The following PCGF3 variants were observed in gnomAD, a reference collection of about 807,000 sequenced individuals.
PCGF3 encodes the protein polycomb group RING finger protein 3.
Under a neutral mutation model 33.1 loss-of-function variants are expected in PCGF3, and 7 were observed. The ratio of observed to expected loss-of-function variants is 0.21; its 90% CI spans 0.12 to 0.40. The LOEUF is 0.40. Ranked by LOEUF, PCGF3 falls within the 10% of genes least tolerant of loss-of-function variation. PCGF3 has a pLI of 1.00. For synonymous variants in PCGF3, 153 were observed against 121.3 expected, an observed-to-expected ratio of 1.26 and a Z score of -1.72; for missense variants, 211 against 313.3, an observed-to-expected ratio of 0.67 and a Z score of 2.46.
chr4:733,990 G>C, intron 4 of PCGF3: 4 of 1,551,242 alleles, frequency 2.6e-6, no homozygotes, highest in Non-Finnish European at 3.5e-6. Context: ...TGTCAGAGCA[G>C]ATGAGGCCTC....
intron 1 of PCGF3, among the ~76,000 whole-genome samples, chr4:730,100 A>C (rs1374670824): frequency 7.2e-6 from 1 of 139,570 alleles, no homozygotes; most frequent in East Asian, 2.1e-4. Context: ...CACTGAGCCC[A>C]ACACCAGGCT....
Position 720,674 on chromosome 4 carries a change from C to T in PCGF3, c.-189-9956C>T, listed in dbSNP as rs1311018739. 6.6e-6 allele frequency among the ~76,000 whole-genome samples: 1 copy of T among 150,870 alleles called. No individual in the cohort carries two copies. The highest frequency in any genetic ancestry group is 1.5e-5 in the Non-Finnish European group (1 of 67,756). Reference sequence around the variant, plus strand: ...GACGGGCGGTGACGTGCGTGTGGACCCGGGGTGGACGGGCGGTGACGTGCG... The same window carrying T: ...GACGGGCGGTGACGTGCGTGTGGACTCGGGGTGGACGGGCGGTGACGTGCG... On this transcript the variant is annotated intron_variant, in intron 1 of 10. Transcript: ENST00000362003. The surrounding 1 kb of genome is among the most constrained non-coding windows in gnomAD (Gnocchi z 5.6).
intron 1 of PCGF3, among the ~76,000 whole-genome samples, chr4:718,510 G>A (rs1270680213): frequency 6.6e-6 from 1 of 152,208 alleles, no homozygotes; most frequent in Non-Finnish European, 1.5e-5. Flanking sequence ...GAGCTGATGT[G>A]CGCCTGTAAT....
chr4:765,010 C>A, exon 10 of PCGF3: 1 of 1,613,942 alleles, frequency 6.2e-7, no homozygotes, highest in Non-Finnish European at 8.5e-7. Context: ...ACGAGGAGAT[C>A]CTGGGCAAGG....
intron 6 of PCGF3, among the ~76,000 whole-genome samples, chr4:739,886 G>T (rs1411518628): frequency 2.0e-5 from 3 of 152,196 alleles, no homozygotes; most frequent in African/African-American, 7.2e-5. Context: ...CACCCCCAGG[G>T]CACGGTGGCC....
At chr4:756,566 GTTC>G (rs1221410023) in intron 8 of PCGF3, among the ~76,000 whole-genome samples, 1 of 151,992 alleles carries the variant, frequency 6.6e-6, no homozygotes, top group African/African-American at 2.4e-5. Context: ...TCATAATTTG[GTTC>G]TTATTAAAAT....
chr4:707,024 C>T (rs1427216292), intron 1 of PCGF3, among the ~76,000 whole-genome samples: 7 of 151,454 alleles, frequency 4.6e-5, no homozygotes, highest in Non-Finnish European at 1.0e-4. Context: ...AGGCAGGACC[C>T]CGGGAGGGCT....
chr4:734,332 G>T, intron 4 of PCGF3: 5 of 1,442,096 alleles, frequency 3.5e-6, no homozygotes, highest in Non-Finnish European at 4.6e-6. Context: ...CGGCCCTGCT[G>T]GTGTGGACGA....
chr4:765,727 T>G (rs1400651276), intron 10 of PCGF3, among the ~76,000 whole-genome samples: 2 of 151,942 alleles, frequency 1.3e-5, no homozygotes, highest in African/African-American at 4.8e-5. Context: ...GCCAGAGGGT[T>G]TGAGGGAGAA....
At chr4:769,880 A>AAGAT in exon 11 of PCGF3, 1 of 152,766 alleles carries the variant, frequency 6.5e-6, no homozygotes, top group South Asian at 2.1e-4. Context: ...GGTGATCACG[A>AAGAT]AGATACATGT....
intron 3 of PCGF3, among the ~76,000 whole-genome samples, chr4:733,223 C>G (rs923139777): frequency 6.6e-6 from 1 of 152,246 alleles, no homozygotes; most frequent in South Asian, 2.1e-4. Flanking sequence ...AAACTGGGCC[C>G]AAGGGTCGCG....
chr4:734,434 T>C, intron 4 of PCGF3: 8 of 1,295,694 alleles, frequency 6.2e-6, no homozygotes, highest in Non-Finnish European at 7.9e-6. Context: ...GTGATGCTTG[T>C]GTATTTCTCA....
rs1743010458 is a variant in PCGF3 at position 720,062 on chromosome 4, G to T, written c.-189-10568G>T. ...GTGAAAATAAATGAAAACAGGTTTT[G>T]CAGAGCCCGTTGGTGAAGGCAGGGG... is the stretch of plus-strand genomic sequence containing the variant. On this transcript the variant is annotated intron_variant, in intron 1 of 10. Transcript: ENST00000362003. The surrounding 1 kb of genome is among the most constrained non-coding windows in gnomAD (Gnocchi z 5.6). Among the ~76,000 whole-genome samples the T allele has an allele frequency of 6.6e-6, 1 of 152,216 alleles. No homozygotes were observed. The highest frequency in any genetic ancestry group is 6.5e-5 in the Admixed American group (1 of 15,288).
At chr4:754,445 G>A (rs1312640276) in intron 8 of PCGF3, among the ~76,000 whole-genome samples, 1 of 152,214 alleles carries the variant, frequency 6.6e-6, no homozygotes, top group Non-Finnish European at 1.5e-5. Context: ...GGTGAGGGTT[G>A]GCTGGTGGGG....
At position 739,278 on chromosome 4, in the gene PCGF3, G is replaced by A. The variant is rs1307522945; in HGVS notation, c.262+1757G>A. The stretch of plus-strand genomic sequence containing the variant: ...TTCAGTGGTGCTATCACAGCTCACT[G>A]TAGCCTCAACCTCCCGGGCTCCAGT... On this transcript the variant is annotated intron_variant, in intron 6 of 10. Transcript: ENST00000362003. Among the ~76,000 whole-genome samples the A allele has an allele frequency of 2.0e-5, 3 of 152,150 alleles. No individual in the cohort carries two copies. In the East Asian group the frequency reaches 5.8e-4, roughly 29 times the overall value.
intron 6 of PCGF3, among the ~76,000 whole-genome samples, chr4:740,187 C>T (rs1185928336): frequency 6.6e-6 from 1 of 152,232 alleles, no homozygotes; most frequent in Non-Finnish European, 1.5e-5. Context: ...GGTGTCAGCC[C>T]TTGAGGGTCC....
intron 6 of PCGF3, among the ~76,000 whole-genome samples, chr4:740,473 CGGT>C (rs1744038777): frequency 2.0e-5 from 3 of 152,170 alleles, no homozygotes; most frequent in Admixed American, 2.0e-4. Context: ...CTCTTTCACT[CGGT>C]GGGCGTGTCA....
chr4:741,607 C>A (rs1744094077), intron 6 of PCGF3, among the ~76,000 whole-genome samples: 1 of 152,120 alleles, frequency 6.6e-6, no homozygotes, highest in African/African-American at 2.4e-5. Context: ...GGGGGTTTCA[C>A]CATGTTGGCC....
intron 1 of PCGF3, among the ~76,000 whole-genome samples, chr4:708,932 G>A (rs1197619646): frequency 6.6e-6 from 1 of 152,216 alleles, no homozygotes; most frequent in Non-Finnish European, 1.5e-5. Context: ...GATCGGGCTG[G>A]GGACGGGGGT....
Sources: allele counts gnomAD v4.1 joint callset (sites outside exome capture counted in the v4.1 genomes callset), GRCh38; gene constraint gnomAD v4.1.1; non-coding constraint Gnocchi (gnomAD v3.1); transcripts MANE v1.5; gene names NCBI Gene and HGNC (gene_info 2026-07-23, HGNC 2026-07-21).